The following CTNNA3 variants were observed in gnomAD, a reference collection of about 807,000 sequenced individuals.
CTNNA3 encodes the protein catenin alpha-3.
Under a neutral mutation model 95.7 loss-of-function variants are expected in CTNNA3, and 76 were observed. The ratio of observed to expected loss-of-function variants is 0.79; its 90% CI spans 0.66 to 0.96. The LOEUF is 0.96. Ranked by LOEUF, CTNNA3 falls within the 40% of genes least tolerant of loss-of-function variation. The pLI, the probability that CTNNA3 is intolerant of heterozygous loss-of-function variation, is 0.00. For synonymous variants in CTNNA3, 431 were observed against 374.4 expected (o/e 1.15, Z -1.74); for missense variants, 1,191 against 1,089.8 (o/e 1.09, Z -1.31).
intron 14 of CTNNA3, among the ~76,000 whole-genome samples, chr10:66,093,064 T>C (rs1278013801): frequency 2.0e-5 from 3 of 151,958 alleles, no homozygotes; most frequent in Non-Finnish European, 4.4e-5. Flanking sequence ...GTCTGATAAG[T>C]AAGAGCATAT....
Position 66,066,119 on chromosome 10 carries a change from T to G in CTNNA3, c.2159+3189A>C, listed in dbSNP as rs374813151. On this transcript the variant is annotated intron_variant, in intron 15 of 17. Transcript: ENST00000433211. ...CTCTGGTGACCTGTCCACCTTGGCC[T>G]CCCAAAGTGCTGGGATTACAGGCGT... Among the ~76,000 whole-genome samples, 15 of 152,218 alleles carry G rather than the reference T, an allele frequency of 9.9e-5. No homozygotes were observed. The East Asian group carries it at 1.7e-3, about 18-fold the overall frequency.
At chr10:66,330,488 G>T (rs2092311908) in intron 12 of CTNNA3, among the ~76,000 whole-genome samples, 1 of 152,044 alleles carries the variant, frequency 6.6e-6, no homozygotes, top group African/African-American at 2.4e-5. Flanking sequence ...CATTTGGGTT[G>T]GTTCCAAGTC....
At chr10:67,428,414 T>C (rs1374796616) in intron 5 of CTNNA3, among the ~76,000 whole-genome samples, 2 of 152,000 alleles carry the variant, frequency 1.3e-5, no homozygotes, top group African/African-American at 4.8e-5. Flanking sequence ...GTAATAGAAT[T>C]AGAGAGATGT....
chr10:66,673,986 T>A (rs1229158268), intron 9 of CTNNA3, among the ~76,000 whole-genome samples: 4 of 150,372 alleles, frequency 2.7e-5, no homozygotes, highest in Non-Finnish European at 3.0e-5. Context: ...GTGAGCCTTC[T>A]TTCATTATCA....
In CTNNA3 at chr10:65,966,666, G is replaced by T; in HGVS notation, c.2346C>A (p.Cys782Ter). 6.2e-7 allele frequency: 1 copy of T among 1,613,824 alleles called. No homozygotes were observed. The highest frequency in any genetic ancestry group is 8.5e-7 in the Non-Finnish European group (1 of 1,179,796). ...IKFYSHQLKI[C>*]SQVKAEIQNL... ...TCTGGATCTCAGCTTTAACTTGACT[G>T]CAGATTTTCAGTTGGTGGGAGTAGA... The change falls in exon 17 of 18, where the codon TGC becomes TGA. Residue 782 changes from cysteine (C) to a stop codon, truncating the protein, a stop_gained. Coordinates refer to ENST00000433211, the MANE Select transcript of CTNNA3 (RefSeq NM_013266.4). LOFTEE classifies it high-confidence loss of function.
At chr10:67,078,209 T>A (rs1226178526) in intron 7 of CTNNA3, among the ~76,000 whole-genome samples, 1 of 152,166 alleles carries the variant, frequency 6.6e-6, no homozygotes. Context: ...TCAGTAAACA[T>A]CCTCAAATGG....
rs532183912 is a variant in CTNNA3 at position 67,375,693 on chromosome 10, T to C, written c.579+146149A>G. Among the ~76,000 whole-genome samples the C allele has an allele frequency of 1.2e-3, 179 of 152,294 alleles. 7 individuals carry two copies. The South Asian group carries it at 0.037, about 31-fold the overall frequency. On this transcript the variant is annotated intron_variant, in intron 5 of 17. Transcript: ENST00000433211. ...CAATAGTGCCAAGGTTAAGAAACCCTGTCCTAATGAAAAGGATTCTTCTCT... is the reference window on the plus strand; with the variant it reads ...CAATAGTGCCAAGGTTAAGAAACCCCGTCCTAATGAAAAGGATTCTTCTCT...
At chr10:66,873,831 C>A (rs1378967963) in intron 7 of CTNNA3, among the ~76,000 whole-genome samples, 1 of 152,110 alleles carries the variant, frequency 6.6e-6, no homozygotes, top group African/African-American at 2.4e-5. Context: ...TAGGAAATAT[C>A]TTTCTTGACA....
At chr10:67,017,497 C>G (rs1852728534) in intron 7 of CTNNA3, among the ~76,000 whole-genome samples, 1 of 152,192 alleles carries the variant, frequency 6.6e-6, no homozygotes, top group South Asian at 2.1e-4. Flanking sequence ...CACAATCTAT[C>G]TTTTGTGTAC....
At chr10:67,052,018 G>C (rs772575530) in intron 7 of CTNNA3, among the ~76,000 whole-genome samples, 18 of 152,232 alleles carry the variant, frequency 1.2e-4, no homozygotes, top group Non-Finnish European at 2.2e-4. Context: ...GCCTCCCAAA[G>C]TGCTGGGATT....
intron 5 of CTNNA3, among the ~76,000 whole-genome samples, chr10:67,252,623 A>G (rs1866156272): frequency 1.3e-5 from 2 of 152,178 alleles, no homozygotes; most frequent in South Asian, 4.1e-4. Context: ...TACGATGCCC[A>G]CAGGATGACA....
chr10:66,184,095 C>T (rs2086195294), intron 13 of CTNNA3, among the ~76,000 whole-genome samples: 1 of 151,990 alleles, frequency 6.6e-6, no homozygotes, highest in South Asian at 2.1e-4. Context: ...GTCAGGAGTT[C>T]GAAACCAGCC....
chr10:66,307,819 A>G (rs763879752), intron 12 of CTNNA3, among the ~76,000 whole-genome samples: 2 of 152,208 alleles, frequency 1.3e-5, no homozygotes, highest in Non-Finnish European at 2.9e-5. Flanking sequence ...AATGGAGAAC[A>G]TTAGTTTCTT....
intron 7 of CTNNA3, among the ~76,000 whole-genome samples, chr10:66,820,707 T>C (rs1842278000): frequency 6.6e-6 from 1 of 151,878 alleles, no homozygotes; most frequent in Non-Finnish European, 1.5e-5. Flanking sequence ...GAGTGGTTTC[T>C]ACTTTCTATG....
intron 11 of CTNNA3, among the ~76,000 whole-genome samples, chr10:66,450,940 A>C (rs2131823218): frequency 1.3e-5 from 2 of 152,298 alleles, no homozygotes; most frequent in South Asian, 4.1e-4. Flanking sequence ...AGCAGTTGCC[A>C]AAATTGTGAT....
At chr10:67,296,850 C>G (rs924079253) in intron 5 of CTNNA3, among the ~76,000 whole-genome samples, 1 of 146,490 alleles carries the variant, frequency 6.8e-6, no homozygotes, top group African/African-American at 2.6e-5. Context: ...AGGAGAATCG[C>G]TTCAACCCGG....
rs181331395 is a variant in CTNNA3 at position 66,761,159 on chromosome 10, C to G, written c.1281+5105G>C. ...GCAGAGCTCATAGCAATCAGCACTTCTTGCAAACTGCAAGAGTCCCCTCTA... is the reference window on the plus strand; with the variant it reads ...GCAGAGCTCATAGCAATCAGCACTTGTTGCAAACTGCAAGAGTCCCCTCTA... On this transcript the variant is annotated intron_variant, in intron 9 of 17. Coordinates refer to ENST00000433211, the MANE Select transcript of CTNNA3 (RefSeq NM_013266.4). 3.6e-4 allele frequency among the ~76,000 whole-genome samples: 55 copies of G among 152,302 alleles called. No homozygotes were observed. The East Asian group carries it at 8.5e-3, about 24-fold the overall frequency.
At chr10:67,542,954 T>C (rs1165914825) in intron 3 of CTNNA3, among the ~76,000 whole-genome samples, 1 of 152,146 alleles carries the variant, frequency 6.6e-6, no homozygotes. Flanking sequence ...AGTCTACTCT[T>C]TTGAAATATC....
At chr10:65,973,016 G>C (rs1253494454) in intron 16 of CTNNA3, among the ~76,000 whole-genome samples, 4 of 151,632 alleles carry the variant, frequency 2.6e-5, no homozygotes, top group African/African-American at 9.7e-5. Context: ...CAGATACACA[G>C]GCTGATGGGA....
Sources: gnomAD v4.1 joint callset for allele counts (sites outside exome capture counted in the v4.1 genomes callset) on GRCh38, gnomAD v4.1.1 for gene constraint, MANE v1.5 for transcripts, NCBI Gene and HGNC (gene_info 2026-07-23, HGNC 2026-07-21) for gene names.